ZDHHC14: variants seen among roughly 807,000 people sequenced by gnomAD.
ZDHHC14 encodes palmitoyltransferase ZDHHC14.
In ZDHHC14, 16 loss-of-function variants were observed where a neutral mutation model predicts 47.7. That is an observed-to-expected ratio of 0.34 (90% CI 0.23 to 0.51). ZDHHC14 has a LOEUF of 0.51. Among genes scored for constraint, ZDHHC14 ranks in the 20% least tolerant of loss-of-function variants. ZDHHC14 has a pLI of 0.97. For synonymous variants in ZDHHC14, 293 were observed against 278.9 expected (o/e 1.05, Z -0.50); for missense variants, 515 against 662.5 (o/e 0.78, Z 2.44).
At chr6:157,499,500 C>T (rs1481260349) in intron 1 of ZDHHC14, among the ~76,000 whole-genome samples, 1 of 147,696 alleles carries the variant, frequency 6.8e-6, no homozygotes, top group African/African-American at 2.5e-5. Flanking sequence ...CGATATCATC[C>T]CATTGGAAGT....
rs569039028 is a variant in ZDHHC14, at chr6:157,653,396, A to C, written c.966-129A>C. ...ATTATACACGAAAGTGAGGAGAGGC[A>C]TAGTCTAAGTTGCCTGAGGTGGGCC... On this transcript the variant is annotated intron_variant, in intron 7 of 8. Transcript: ENST00000359775. 7.5e-6 allele frequency: 6 copies of C among 801,630 alleles called. 1 individual carries two copies. In the Admixed American group the frequency reaches 1.3e-4, roughly 18 times the overall value. 49.7% of individuals were successfully genotyped at this position (801,630 alleles called of 1,614,324 possible).
At chr6:157,540,982 T>G (rs1337572506) in intron 1 of ZDHHC14, among the ~76,000 whole-genome samples, 3 of 150,564 alleles carry the variant, frequency 2.0e-5, no homozygotes, top group South Asian at 4.2e-4. Flanking sequence ...CTGTGTTTCT[T>G]TTTTTAACAT....
At chr6:157,491,333 T>G (rs1328668299) in intron 1 of ZDHHC14, among the ~76,000 whole-genome samples, 1 of 152,210 alleles carries the variant, frequency 6.6e-6, no homozygotes, top group Non-Finnish European at 1.5e-5. Context: ...GAGGCCACGT[T>G]CTGAGCTTTT....
intron 1 of ZDHHC14, among the ~76,000 whole-genome samples, chr6:157,499,848 T>G (rs947678114): frequency 6.6e-6 from 1 of 152,238 alleles, no homozygotes; most frequent in Non-Finnish European, 1.5e-5. Flanking sequence ...ACAAATCGAT[T>G]GATTGATTCA....
chr6:157,450,402 A>G (rs1209461500), intron 1 of ZDHHC14, among the ~76,000 whole-genome samples: 1 of 151,850 alleles, frequency 6.6e-6, no homozygotes, highest in Non-Finnish European at 1.5e-5. Context: ...AAATTCCTGA[A>G]CATTCGGGAG....
chr6:157,538,728 G>T (rs548013220), intron 1 of ZDHHC14, among the ~76,000 whole-genome samples: 1 of 152,302 alleles, frequency 6.6e-6, no homozygotes, highest in South Asian at 2.1e-4. Context: ...TTCTGCTTAG[G>T]GGGTGAGCCC....
At chr6:157,490,282 GT>G (rs778784243) in intron 1 of ZDHHC14, among the ~76,000 whole-genome samples, 1 of 152,186 alleles carries the variant, frequency 6.6e-6, no homozygotes, top group African/African-American at 2.4e-5. Context: ...TTCCAATTCT[GT>G]TTTAAATGCT....
intron 1 of ZDHHC14, among the ~76,000 whole-genome samples, chr6:157,394,740 T>G (rs1468924318): frequency 1.3e-5 from 2 of 152,204 alleles, no homozygotes; most frequent in East Asian, 3.8e-4. Flanking sequence ...CATCGTCGTC[T>G]TAACCCACTA....
chr6:157,629,561 A>G (rs910799419), intron 4 of ZDHHC14: 2 of 152,192 alleles, frequency 1.3e-5, no homozygotes, highest in Non-Finnish European at 1.5e-5. Context: ...AATGTTTTGC[A>G]TTCATTCTTT....
At chr6:157,636,188 TGATG>T (rs1382289307) in intron 5 of ZDHHC14, among the ~76,000 whole-genome samples, 1 of 133,310 alleles carries the variant, frequency 7.5e-6, no homozygotes, top group East Asian at 2.9e-4. Context: ...ACAGGTCACT[TGATG>T]GATTTAAACA....
intron 8 of ZDHHC14, among the ~76,000 whole-genome samples, chr6:157,670,170 G>A (rs2115014776): frequency 6.6e-6 from 1 of 152,354 alleles, no homozygotes; most frequent in Non-Finnish European, 1.5e-5. Flanking sequence ...CCCTGCAAGA[G>A]CAGAGAAAGC....
chr6:157,432,126 A>G (rs1480383243), intron 1 of ZDHHC14, among the ~76,000 whole-genome samples: 1 of 152,178 alleles, frequency 6.6e-6, no homozygotes, highest in Non-Finnish European at 1.5e-5. Flanking sequence ...AGGGCTCCCA[A>G]GGTGAAGAGT....
At position 157,628,342 on chromosome 6, in the gene ZDHHC14, A is replaced by C. The variant is rs769250871; in HGVS notation, c.566-7A>C. 60 of 1,564,138 alleles carry C rather than the reference A, an allele frequency of 3.8e-5. No homozygotes were observed. The highest frequency in any genetic ancestry group is 4.9e-5 in the Non-Finnish European group (57 of 1,164,934). On this transcript the variant is annotated splice_region_variant and splice_polypyrimidine_tract_variant and intron_variant, in intron 3 of 8. Transcript: ENST00000359775. ...CACTTTTTTTTTTTTTCTGCCTCTC[A>C]TTTCAGAACGGTTTGATCACCACTG...
intron 3 of ZDHHC14, among the ~76,000 whole-genome samples, chr6:157,593,997 G>T (rs1286044871): frequency 6.6e-6 from 1 of 152,198 alleles, no homozygotes; most frequent in Admixed American, 6.5e-5. Flanking sequence ...AAGTGACCAG[G>T]GGTATTCCTG....
At chr6:157,434,506 T>G (rs1778401413) in intron 1 of ZDHHC14, among the ~76,000 whole-genome samples, 1 of 152,098 alleles carries the variant, frequency 6.6e-6, no homozygotes, top group Non-Finnish European at 1.5e-5. Flanking sequence ...CATTTCAGCT[T>G]GGTGATCACT....
chr6:157,571,614 T>TA (rs1783099105), intron 2 of ZDHHC14, among the ~76,000 whole-genome samples: 1 of 152,142 alleles, frequency 6.6e-6, no homozygotes, highest in Non-Finnish European at 1.5e-5. Context: ...GCCAGCTGCT[T>TA]AGATTCCCCA....
chr6:157,546,639 G>A (rs1439187849), intron 2 of ZDHHC14, among the ~76,000 whole-genome samples: 1 of 152,152 alleles, frequency 6.6e-6, no homozygotes, highest in Non-Finnish European at 1.5e-5. Context: ...TGGGGTCACT[G>A]GAGGCTTGCT....
At chr6:157,672,675 C>CT in intron 8 of ZDHHC14, 49 bp from the exon 9 acceptor site, 11 of 1,556,686 alleles carry the variant, frequency 7.1e-6, no homozygotes, top group Non-Finnish European at 9.7e-6. Context: ...CTCCCCACCT[C>CT]TGCCCCCTCC....
Position 157,487,868 on chromosome 6 carries a change from G to A in ZDHHC14, c.246-54717G>A, listed in dbSNP as rs988710537. On this transcript the variant is annotated intron_variant, in intron 1 of 8. Transcript: ENST00000359775. ...CCTCTCCCATCCAGGCAGGTCCCCC[G>A]GAGCTGCTCTTTCTCCAGCCCCTTC... is the stretch of plus-strand genomic sequence containing the variant. Among the ~76,000 whole-genome samples the A allele has an allele frequency of 2.6e-5, 4 of 152,140 alleles. No homozygotes were observed. The East Asian group carries it at 5.8e-4, about 22-fold the overall frequency.
Sources: gnomAD v4.1 joint callset for allele counts (sites outside exome capture counted in the v4.1 genomes callset) on GRCh38, gnomAD v4.1.1 for gene constraint, MANE v1.5 for transcripts, NCBI Gene and HGNC (gene_info 2026-07-23, HGNC 2026-07-21) for gene names.